The following CCDC178 variants were observed in gnomAD, a reference collection of about 807,000 sequenced individuals.
The protein encoded by CCDC178 is coiled-coil domain containing 178.
Under a neutral mutation model 117.4 loss-of-function variants are expected in CCDC178, and 126 were observed. The observed-to-expected ratio is 1.07, with a 90% CI of 0.93 to 1.24. The LOEUF (loss-of-function observed/expected upper bound fraction) is 1.24. Among genes scored for constraint, CCDC178 ranks in the 50% most tolerant of loss-of-function variants. The pLI is 0.00. For missense variants in CCDC178, 1,030 were observed against 986.9 expected (o/e 1.04, Z -0.59); for synonymous variants, 283 against 313.4 (o/e 0.90, Z 1.02).
chr18:32,960,394 A>G (rs903885065), intron 22 of CCDC178, among the ~76,000 whole-genome samples: 32 of 152,274 alleles, frequency 2.1e-4, no homozygotes, highest in Admixed American at 1.5e-3. Flanking sequence ...AGGAAATTAG[A>G]GACTAGATGG....
rs1050201902 is a variant in CCDC178 at position 32,995,707 on chromosome 18, G to C, written c.2389-21026C>G. On this transcript the variant is annotated intron_variant, in intron 21 of 22. Coordinates refer to ENST00000383096, the MANE Select transcript of CCDC178 (RefSeq NM_001105528.4). ...AAACTGAGAAGGTACTATTAGACTT[G>C]CGCCATTCTACAAAAGCATGGTACA... Among the ~76,000 whole-genome samples, 13 of 152,092 alleles carry C rather than the reference G, an allele frequency of 8.5e-5. No homozygotes were observed. In the South Asian group the frequency reaches 1.0e-3, roughly 12 times the overall value.
intron 2 of CCDC178, among the ~76,000 whole-genome samples, chr18:33,428,578 C>G (rs940735602): frequency 9.9e-5 from 15 of 150,820 alleles, no homozygotes; most frequent in African/African-American, 3.4e-4. Context: ...CTAAAAATAC[C>G]AAAATTAGCT....
At chr18:33,226,913 T>C in intron 15 of CCDC178, 58 bp from the exon 16 acceptor site, 1 of 914,184 alleles carries the variant, frequency 1.1e-6, no homozygotes, top group Admixed American at 2.3e-5. Flanking sequence ...CAAAAACATT[T>C]TTTAAAACAA....
chr18:33,378,996 G>A (rs1224072956), intron 5 of CCDC178, among the ~76,000 whole-genome samples: 1 of 151,324 alleles, frequency 6.6e-6, no homozygotes, highest in Non-Finnish European at 1.5e-5. Flanking sequence ...TTTTGTAATA[G>A]TTTCAGTAGG....
intron 20 of CCDC178, among the ~76,000 whole-genome samples, chr18:33,141,851 C>T (rs1334710279): frequency 2.0e-5 from 3 of 152,132 alleles, no homozygotes; most frequent in Non-Finnish European, 2.9e-5. Context: ...TGTCCCTTCC[C>T]TATTTCCCCA....
At chr18:33,134,983 T>C (rs773177910) in intron 20 of CCDC178, among the ~76,000 whole-genome samples, 3 of 152,164 alleles carry the variant, frequency 2.0e-5, no homozygotes, top group Non-Finnish European at 2.9e-5. Flanking sequence ...TAAAACTAAA[T>C]TGATATTCCA....
chr18:33,356,388 A>G (rs2063057959), intron 6 of CCDC178, 42 bp from the exon 7 acceptor site: 1 of 1,428,112 alleles, frequency 7.0e-7, no homozygotes, highest in Non-Finnish European at 9.4e-7. Flanking sequence ...AATCTTAAAC[A>G]TATTAAAAAA....
chr18:33,335,684 G>C (rs1051357998), intron 9 of CCDC178, among the ~76,000 whole-genome samples: 8 of 151,772 alleles, frequency 5.3e-5, no homozygotes, highest in African/African-American at 1.7e-4. Flanking sequence ...ATTTCTCATA[G>C]TTTTTCATTT....
At chr18:33,351,630 C>T (rs2062981654) in intron 7 of CCDC178, among the ~76,000 whole-genome samples, 1 of 152,168 alleles carries the variant, frequency 6.6e-6, no homozygotes, top group South Asian at 2.1e-4. Flanking sequence ...GTAAACTTGA[C>T]CTCCTGGGCT....
At chr18:33,104,570 A>G (rs2057678294) in intron 20 of CCDC178, among the ~76,000 whole-genome samples, 2 of 151,672 alleles carry the variant, frequency 1.3e-5, no homozygotes, top group Admixed American at 1.3e-4. Flanking sequence ...TCGTCCCATC[A>G]TTTCCTCAGC....
rs574039116 is a variant in CCDC178 at position 33,031,110 on chromosome 18, T to C, written c.2389-56429A>G. Among the ~76,000 whole-genome samples the C allele has an allele frequency of 3.9e-5, 6 of 152,292 alleles. No individual in the cohort carries two copies. In the East Asian group the frequency reaches 1.2e-3, roughly 29 times the overall value. ...CTAAAATTAACTATCACATCATCCA[T>C]TTGTTTCTTTCTAGATGTCTATGTC... On this transcript the variant is annotated intron_variant, in intron 21 of 22. Transcript: ENST00000383096.
chr18:33,423,162 G>A (rs1035469987), intron 2 of CCDC178, among the ~76,000 whole-genome samples: 6 of 151,926 alleles, frequency 3.9e-5, no homozygotes, highest in South Asian at 2.1e-4. Flanking sequence ...CCTATAACCC[G>A]GCCTAAAAAA....
intron 20 of CCDC178, among the ~76,000 whole-genome samples, chr18:33,159,624 G>T (rs536154921): frequency 6.6e-6 from 1 of 151,866 alleles, no homozygotes; most frequent in Non-Finnish European, 1.5e-5. Flanking sequence ...TACATTTTGG[G>T]CCTGCTCAAA....
At chr18:33,147,847 T>C (rs271504) in intron 20 of CCDC178, among the ~76,000 whole-genome samples, 24,418 of 152,056 alleles carry the variant, frequency 0.16, 2,703 homozygotes, top group African/African-American at 0.32. Flanking sequence ...AAACTGCCAT[T>C]GTCATCATGG....
intron 21 of CCDC178, among the ~76,000 whole-genome samples, chr18:33,070,831 T>C (rs920047818): frequency 6.6e-6 from 1 of 152,102 alleles, no homozygotes; most frequent in Non-Finnish European, 1.5e-5. Flanking sequence ...ATCAGGAATC[T>C]ATGTAACATT....
At chr18:33,089,186 T>C (rs1232655237) in intron 21 of CCDC178, among the ~76,000 whole-genome samples, 2 of 152,232 alleles carry the variant, frequency 1.3e-5, no homozygotes, top group Admixed American at 6.5e-5. Context: ...AGAGATATCA[T>C]ATATAATTTA....
intron 3 of CCDC178, among the ~76,000 whole-genome samples, chr18:33,403,146 TGCCAGAA>T (rs2063732372): frequency 6.6e-6 from 1 of 152,136 alleles, no homozygotes; most frequent in Non-Finnish European, 1.5e-5. Flanking sequence ...ACTCTGCATG[TGCCAGAA>T]GGAAAGGCTA....
chr18:33,250,739 A>G (rs989820105), intron 14 of CCDC178, among the ~76,000 whole-genome samples: 2 of 151,700 alleles, frequency 1.3e-5, no homozygotes, highest in African/African-American at 4.8e-5. Context: ...GCAGGTGTAT[A>G]TAGCAAAACT....
Position 33,206,715 on chromosome 18 carries a change from A to G in CCDC178, c.2238+5181T>C, listed in dbSNP as rs564421144. On this transcript the variant is annotated intron_variant, in intron 20 of 22. Transcript: ENST00000383096. ...AAATTTTTTCTTCAGAAAAGAGCCA[A>G]GCTCCAGTAATATCTGTTAGGAGCA... 4.6e-5 allele frequency among the ~76,000 whole-genome samples: 7 copies of G among 152,342 alleles called. No individual in the cohort carries two copies. The South Asian group carries it at 1.5e-3, about 32-fold the overall frequency.
Sources: allele counts gnomAD v4.1 joint callset (sites outside exome capture counted in the v4.1 genomes callset), GRCh38; gene constraint gnomAD v4.1.1; transcripts MANE v1.5; gene names NCBI Gene and HGNC (gene_info 2026-07-23, HGNC 2026-07-21).